The following SS18L1 variants were observed in gnomAD, a reference collection of about 807,000 sequenced individuals.
SS18L1 encodes calcium-responsive transactivator.
SS18L1 carries 32 observed loss-of-function variants against 70.3 expected under a neutral mutation model. The observed-to-expected ratio is 0.46, with a 90% CI of 0.34 to 0.61. The LOEUF is 0.61. Among genes scored for constraint, SS18L1 ranks in the 20% least tolerant of loss-of-function variants. The probability of loss-of-function intolerance (pLI) is 0.01; values close to 1 mark genes in which losing one functional copy is unlikely to be tolerated. For missense variants in SS18L1, 430 were observed against 542.1 expected (o/e 0.79, Z 2.05); for synonymous variants, 237 against 229.7 (o/e 1.03, Z -0.29).
Position 62,162,905 on chromosome 20 carries a change from C to T in SS18L1, c.530C>T (p.Thr177Ile). Reference protein sequence around the residue: ...QGTIGNYVSRTNINMQSNPVS... With the variant: ...QGTIGNYVSRININMQSNPVS... Reference sequence around the variant, plus strand: ...ACCATCGGCAACTACGTGTCTCGGACCAACATCAACATGCAGTCCAACCCA... The same window carrying T: ...ACCATCGGCAACTACGTGTCTCGGATCAACATCAACATGCAGTCCAACCCA... The change falls in exon 5 of 11, where the codon ACC (threonine) becomes ATC (isoleucine). Residue 177 changes from threonine to isoleucine, a missense_variant. Physicochemically the swap from Thr to Ile is moderately conservative, Grantham distance 89. Coordinates refer to ENST00000331758, the MANE Select transcript of SS18L1 (RefSeq NM_198935.3). The T allele has an allele frequency of 1.2e-6, 2 of 1,612,862 alleles. No individual in the cohort carries two copies. The highest frequency in any genetic ancestry group is 1.7e-6 in the Non-Finnish European group (2 of 1,179,948).
At chr20:62,172,090 T>G (rs6062113) in intron 8 of SS18L1, among the ~76,000 whole-genome samples, 20,670 of 149,050 alleles carry the variant, frequency 0.14, 1,721 homozygotes, top group South Asian at 0.24. Flanking sequence ...TGAACCCGGG[T>G]GGGGCGGAGC....
rs587777634 is a variant in SS18L1, at chr20:62,163,555, GCAGGGCAGC to G, written c.660_668del (p.Gln222_Ser224del). ...GCCAGTCGTCCATCGCCATGATGGG[GCAGGGCAGC>G]CAGGGGAGCAGCATGATGGGGCAGC... On this transcript the variant is annotated inframe_deletion, in exon 6 of 11. Coordinates refer to ENST00000331758, the MANE Select transcript of SS18L1 (RefSeq NM_198935.3). The G allele has an allele frequency of 1.6e-5, 25 of 1,610,844 alleles. No homozygotes were observed. Among genetic ancestry groups the G allele is most frequent in the Admixed American group, 3.3e-5 (2 of 59,968 alleles).
At chr20:62,155,069 CT>C (rs1325282930) in intron 1 of SS18L1, among the ~76,000 whole-genome samples, 1 of 152,176 alleles carries the variant, frequency 6.6e-6, no homozygotes, top group Admixed American at 6.5e-5. Context: ...CACCGGCTGA[CT>C]TTGTGAGGAT....
intron 1 of SS18L1, among the ~76,000 whole-genome samples, chr20:62,150,710 G>A (rs951701265): frequency 7.8e-6 from 1 of 127,842 alleles, no homozygotes; most frequent in African/African-American, 3.0e-5. Flanking sequence ...CTGAGGTGCA[G>A]TAACGTGATC....
intron 1 of SS18L1, among the ~76,000 whole-genome samples, chr20:62,150,370 G>A (rs2057104937): frequency 6.6e-6 from 1 of 152,194 alleles, no homozygotes; most frequent in Non-Finnish European, 1.5e-5. Flanking sequence ...AGTGGCAGGC[G>A]CTAGCGCAGG....
At chr20:62,168,621 C>T (rs1226144742) in intron 8 of SS18L1, among the ~76,000 whole-genome samples, 1 of 151,486 alleles carries the variant, frequency 6.6e-6, no homozygotes, top group South Asian at 2.1e-4. Flanking sequence ...GAGGTCGAGA[C>T]CAGCCTAGGC....
intron 4 of SS18L1, among the ~76,000 whole-genome samples, chr20:62,162,395 G>A (rs923171962): frequency 1.3e-5 from 2 of 152,038 alleles, no homozygotes; most frequent in East Asian, 1.9e-4. Flanking sequence ...TCCGCCTCCC[G>A]GGTTAAAGCA....
At chr20:62,169,647 C>T (rs965535514) in intron 8 of SS18L1, among the ~76,000 whole-genome samples, 4 of 152,000 alleles carry the variant, frequency 2.6e-5, no homozygotes, top group South Asian at 2.1e-4. Context: ...GGCTTGGTGG[C>T]GCATGTCTGT....
chr20:62,154,266 T>C, intron 1 of SS18L1: 4 of 981,764 alleles, frequency 4.1e-6, no homozygotes, highest in Non-Finnish European at 4.9e-6. Flanking sequence ...TCCTTGTCTT[T>C]GATGACTCTG....
At chr20:62,165,970 C>T (rs139475846) in intron 8 of SS18L1, among the ~76,000 whole-genome samples, 11 of 152,302 alleles carry the variant, frequency 7.2e-5, no homozygotes, top group Non-Finnish European at 1.6e-4. Flanking sequence ...CACCTGCAGG[C>T]CAGGAAACGC....
intron 10 of SS18L1, among the ~76,000 whole-genome samples, chr20:62,178,141 CTTTTTTTTT>C (rs61157167): frequency 3.1e-5 from 3 of 97,830 alleles, no homozygotes; most frequent in African/African-American, 4.7e-5. Flanking sequence ...GTGGCTTATT[CTTTTTTTTT>C]TTTTTTTTTT....
intron 7 of SS18L1, 85 bp from the exon 8 acceptor site, chr20:62,165,337 T>C (rs571132416): frequency 2.2e-6 from 3 of 1,345,696 alleles, no homozygotes; most frequent in African/African-American, 2.9e-5. Context: ...AGACAACATC[T>C]CCCCAGCCTG....
chr20:62,146,206 TC>T (rs1468732525), intron 1 of SS18L1, among the ~76,000 whole-genome samples: 3 of 152,212 alleles, frequency 2.0e-5, no homozygotes, highest in African/African-American at 4.8e-5. Flanking sequence ...ACTCACGTGT[TC>T]CGCGTCTCAT....
At chr20:62,166,111 A>G (rs1350549672) in intron 8 of SS18L1, among the ~76,000 whole-genome samples, 2 of 152,234 alleles carry the variant, frequency 1.3e-5, no homozygotes, top group East Asian at 3.8e-4. Context: ...TGAAACCCCA[A>G]CAGAACATCC....
rs1348643190 is a variant in SS18L1, at chr20:62,181,866, G to GC, written c.*2660dup. The GC allele has an allele frequency of 2.6e-5, 6 of 227,820 alleles. No individual in the cohort carries two copies. The highest frequency in any genetic ancestry group is 1.3e-3 in the Middle Eastern group (1 of 780). The allele number at this position is 227,820 out of a possible 1,614,324, so 14.1% of individuals were successfully genotyped here. A position where few individuals can be genotyped will look rare whatever the true frequency, so the allele number is the denominator to read the frequency against. ...TTTTTTCTGACTACTTCTATGGAAG[G>GC]CCAGTGAAGAAGCAAAGGAAGACAT... On this transcript the variant is annotated 3_prime_UTR_variant, in exon 11 of 11. Transcript: ENST00000331758.
At chr20:62,167,114 T>C (rs73309178) in intron 8 of SS18L1, among the ~76,000 whole-genome samples, 19,317 of 138,390 alleles carry the variant, frequency 0.14, 1,956 homozygotes, top group African/African-American at 0.28. Flanking sequence ...GGTATGATCT[T>C]GGCTCACTGC....
At chr20:62,165,079 G>A (rs2057402837) in intron 7 of SS18L1, among the ~76,000 whole-genome samples, 1 of 152,222 alleles carries the variant, frequency 6.6e-6, no homozygotes, top group African/African-American at 2.4e-5. Flanking sequence ...CTCGGTAAGG[G>A]TTGGACACCC....
At position 62,180,046 on chromosome 20, in the gene SS18L1, A is replaced by G. The variant is rs1189338349; in HGVS notation, c.*838A>G. ...TCTGGCTTTGACCCTTGTTTAGCTG[A>G]TGGTCATTTCTGGGATTGGAATATT... On this transcript the variant is annotated 3_prime_UTR_variant, in exon 11 of 11. Transcript: ENST00000331758. 1 of 216,480 alleles carries G rather than the reference A, an allele frequency of 4.6e-6. No individual in the cohort carries two copies. Among genetic ancestry groups the G allele is most frequent in the Admixed American group, 5.8e-5 (1 of 17,182 alleles). The allele number at this position is 216,480 out of a possible 1,614,324, so 13.4% of individuals were successfully genotyped here. A position where few individuals can be genotyped will look rare whatever the true frequency, so the allele number is the denominator to read the frequency against.
At chr20:62,153,798 T>A (rs144879297) in intron 1 of SS18L1, among the ~76,000 whole-genome samples, 1 of 152,200 alleles carries the variant, frequency 6.6e-6, no homozygotes, top group Non-Finnish European at 1.5e-5. Context: ...TTCTCTTGGG[T>A]TGGGTCTTGG....
Sources: allele counts gnomAD v4.1 joint callset (sites outside exome capture counted in the v4.1 genomes callset), GRCh38; gene constraint gnomAD v4.1.1; transcripts MANE v1.5; gene names NCBI Gene and HGNC (gene_info 2026-07-23, HGNC 2026-07-21).